Variants in PSME4 observed in about 807,000 individuals in gnomAD.
PSME4 encodes the protein proteasome activator complex subunit 4.
Under a neutral mutation model 253.9 loss-of-function variants are expected in PSME4, and 89 were observed. The observed-to-expected ratio is 0.35, with a 90% CI of 0.30 to 0.42. PSME4 has a LOEUF of 0.42. Ranked by LOEUF, PSME4 falls within the 10% of genes least tolerant of loss-of-function variation. PSME4 has a pLI of 1.00. For synonymous variants in PSME4, 851 were observed against 759.2 expected (o/e 1.12, Z -1.99); for missense variants, 2,014 against 2,195.2 (o/e 0.92, Z 1.65).
intron 36 of PSME4, among the ~76,000 whole-genome samples, chr2:53,891,223 C>A (rs1302213615): frequency 6.6e-6 from 1 of 152,140 alleles, no homozygotes; most frequent in Non-Finnish European, 1.5e-5. Flanking sequence ...AATTCCAAGT[C>A]TTGGATAAAT....
At chr2:53,924,117 A>C (rs759695163) in intron 14 of PSME4, among the ~76,000 whole-genome samples, 5 of 152,090 alleles carry the variant, frequency 3.3e-5, no homozygotes, top group Non-Finnish European at 4.4e-5. Flanking sequence ...ATCTATCCTT[A>C]CCCTAAAAGA....
At chr2:53,887,750 C>A in intron 39 of PSME4, 108 bp downstream of exon 39, 2 of 1,308,972 alleles carry the variant, frequency 1.5e-6, no homozygotes, top group Admixed American at 2.6e-5. Context: ...GAGAAAGACA[C>A]CATGAAACCC....
chr2:53,921,847 G>A (rs1483493162), intron 17 of PSME4, among the ~76,000 whole-genome samples: 6 of 111,876 alleles, frequency 5.4e-5, no homozygotes, highest in East Asian at 3.3e-4. Flanking sequence ...CAGCCTGGGC[G>A]ACAGAGCGAG....
rs1680537846 is a variant in PSME4, at chr2:53,904,146, T to A, written c.2954A>T (p.Lys985Met). 6.2e-7 allele frequency: 1 copy of A among 1,610,680 alleles called. No homozygotes were observed. The highest frequency in any genetic ancestry group is 1.7e-5 in the Admixed American group (1 of 59,708). Residue 985 changes from lysine (K) to methionine (M), a missense_variant, in exon 27 of 47, where the codon AAG becomes ATG. Physicochemically the swap from Lys to Met is moderately conservative, Grantham distance 95. Around this residue, in one of 4 missense-constraint regions of PSME4, gnomAD observed 989 missense variants for 1,021.1 expected, o/e 0.97. Transcript: ENST00000404125. ...GGCAGCAAAAAATGTTTGCTGAGCCTTATTTCTCACCTGGAGGAAGTATTA... is the reference window on the plus strand; with the variant it reads ...GGCAGCAAAAAATGTTTGCTGAGCCATATTTCTCACCTGGAGGAAGTATTA... Reference protein sequence around the residue: ...STSSYSQVRNKAQQTFFAALG... With the variant: ...STSSYSQVRNMAQQTFFAALG...
At chr2:53,873,108 C>CG (rs1678963967) in intron 43 of PSME4, among the ~76,000 whole-genome samples, 1 of 151,730 alleles carries the variant, frequency 6.6e-6, no homozygotes, top group African/African-American at 2.4e-5. Context: ...GGCATGGTGG[C>CG]GGGCGCCTGT....
chr2:53,943,549 G>T (rs957706318), intron 3 of PSME4, among the ~76,000 whole-genome samples: 1 of 152,046 alleles, frequency 6.6e-6, no homozygotes, highest in Non-Finnish European at 1.5e-5. Flanking sequence ...CATAAAGAAA[G>T]GTATAAATAC....
chr2:53,934,534 A>C, intron 8 of PSME4, 71 bp downstream of exon 8: 1 of 1,485,342 alleles, frequency 6.7e-7, no homozygotes, highest in Non-Finnish European at 9.2e-7. Context: ...TTCTGCGACT[A>C]TCCACAATTT....
chr2:53,960,194 G>C (rs977342017), intron 1 of PSME4, among the ~76,000 whole-genome samples: 2 of 152,170 alleles, frequency 1.3e-5, no homozygotes. Flanking sequence ...GAAGTCAGGA[G>C]ATCCAGACCA....
intron 41 of PSME4, among the ~76,000 whole-genome samples, chr2:53,879,428 T>C (rs1433691519): frequency 6.6e-6 from 1 of 152,116 alleles, no homozygotes; most frequent in African/African-American, 2.4e-5. Flanking sequence ...TAAGTGAAAC[T>C]CACTGTTTAT....
chr2:53,909,532 T>A (rs113337917), intron 21 of PSME4, among the ~76,000 whole-genome samples: 24 of 152,346 alleles, frequency 1.6e-4, no homozygotes, highest in Admixed American at 3.9e-4. Context: ...AAATACAGAC[T>A]GACCCAATTT....
chr2:53,949,176 T>A lies in PSME4; in HGVS notation c.350A>T (p.Gln117Leu), dbSNP rs776549214. 2 of 1,609,640 alleles carry A rather than the reference T, an allele frequency of 1.2e-6. No individual in the cohort carries two copies. Among genetic ancestry groups the A allele is most frequent in the South Asian group, 1.1e-5 (1 of 89,890 alleles). ...SIPKLEISMM[Q>L]GFARLLINLL... ...GTTGATCAAAAGGCGGGCAAATCCC[T>A]GCATCATGCTGATTTCCAGTTTTGG... Residue 117 changes from glutamine (Q) to leucine (L), a missense_variant, in exon 2 of 47, where the codon CAG becomes CTG. By Grantham distance (113) the Gln-to-Leu change is moderately radical. Around this residue, in one of 4 missense-constraint regions of PSME4, gnomAD observed 615 missense variants for 594.4 expected, o/e 1.03. Coordinates refer to ENST00000404125, the MANE Select transcript of PSME4 (RefSeq NM_014614.3).
chr2:53,914,424 T>C (rs1394588307), intron 20 of PSME4, among the ~76,000 whole-genome samples: 2 of 152,070 alleles, frequency 1.3e-5, no homozygotes, highest in African/African-American at 4.8e-5. Flanking sequence ...AAGAGCAAAA[T>C]AGGTCCTATT....
chr2:53,946,076 C>G (rs748545960), intron 3 of PSME4, among the ~76,000 whole-genome samples: 1 of 152,150 alleles, frequency 6.6e-6, no homozygotes, highest in African/African-American at 2.4e-5. Context: ...TCAATAAGCA[C>G]TGACTGACCA....
intron 1 of PSME4, among the ~76,000 whole-genome samples, chr2:53,968,306 A>G (rs941115143): frequency 6.6e-6 from 1 of 151,654 alleles, no homozygotes; most frequent in African/African-American, 2.4e-5. Context: ...TATTTAGTCC[A>G]ATCCCCTCAT....
chr2:53,970,566 G>A lies in PSME4; in HGVS notation c.219C>T (p.Leu73=), dbSNP rs892314074. 1.7e-5 allele frequency: 27 copies of A among 1,548,114 alleles called. No individual in the cohort carries two copies. The highest frequency in any genetic ancestry group is 2.3e-5 in the Non-Finnish European group (26 of 1,146,806). The stretch of plus-strand genomic sequence containing the variant: ...ACGTGGAGAGTTTCCTGGTCCAGAA[G>A]AGGCCCCCGGGCCACAGCTCTTGGA... ...VQLQELWPGG[L]FWTRKLSTYI... The change falls in exon 1 of 47, where the codon CTC becomes CTT. Residue 73 remains leucine, a synonymous_variant. Coordinates refer to ENST00000404125, the MANE Select transcript of PSME4 (RefSeq NM_014614.3).
At position 53,920,982 on chromosome 2, in the gene PSME4, A is replaced by T. The variant is rs1668288383; in HGVS notation, c.2169T>A (p.His723Gln). ...GYTLSCNLLH[H>Q]LLRSTTLIYP... ...AGATAAGTGTGGTAGAACGGAGAAG[A>T]TGATGCAAAAGGTTACAAGACAGAG... The change falls in exon 18 of 47, where the codon CAT becomes CAA. Residue 723 changes from histidine (H) to glutamine (Q), a missense_variant. His to Gln is a conservative substitution (Grantham distance 24). Around this residue, in one of 4 missense-constraint regions of PSME4, gnomAD observed 989 missense variants for 1,021.1 expected, o/e 0.97. Transcript: ENST00000404125. 1 of 1,614,092 alleles carries T rather than the reference A, an allele frequency of 6.2e-7. No homozygotes were observed. Among genetic ancestry groups the T allele is most frequent in the Non-Finnish European group, 8.5e-7 (1 of 1,179,958 alleles).
chr2:53,921,897 G>T (rs1668343236), intron 17 of PSME4, among the ~76,000 whole-genome samples: 1 of 146,774 alleles, frequency 6.8e-6, no homozygotes, highest in Non-Finnish European at 1.5e-5. Context: ...TTTGGGCCAG[G>T]CGCGGTGGCT....
intron 6 of PSME4, 37 bp from the exon 7 acceptor site, chr2:53,936,198 G>A: frequency 6.2e-7 from 1 of 1,610,056 alleles, no homozygotes; most frequent in Non-Finnish European, 8.5e-7. Context: ...TAATATATTT[G>A]TTGTTATTGT....
intron 3 of PSME4, among the ~76,000 whole-genome samples, chr2:53,946,807 A>C (rs908333336): frequency 6.6e-6 from 1 of 151,930 alleles, no homozygotes; most frequent in Non-Finnish European, 1.5e-5. Flanking sequence ...CCACCTTCTC[A>C]GGAGGCTGAG....
Sources: allele counts gnomAD v4.1 joint callset (sites outside exome capture counted in the v4.1 genomes callset), GRCh38; gene constraint gnomAD v4.1.1; regional missense constraint gnomAD v4.1.1; transcripts MANE v1.5; gene names NCBI Gene and HGNC (gene_info 2026-07-23, HGNC 2026-07-21).